Variants in RTL4 observed in about 807,000 individuals in gnomAD.
RTL4 encodes retrotransposon Gag like 4, also known as retrotransposon Gag-like protein 4.
RTL4 carries 4 observed loss-of-function variants against 5.3 expected under a neutral mutation model. That is an observed-to-expected ratio of 0.75 (90% CI 0.37 to 1.72). The LOEUF (loss-of-function observed/expected upper bound fraction) is 1.72. Ranked by LOEUF, RTL4 falls within the 40% of genes most tolerant of loss-of-function variation. The pLI is 0.04. For synonymous variants in RTL4, 98 were observed against 87.3 expected, an observed-to-expected ratio of 1.12 and a Z score of -0.68; for missense variants, 260 against 227.1, an observed-to-expected ratio of 1.14 and a Z score of -0.93.
the RTL4 span, among the ~76,000 whole-genome samples, chrX:112,394,012 G>A: frequency 3.6e-5 from 4 of 111,512 alleles, no homozygotes; most frequent in Non-Finnish European, 7.5e-5. Context: ...TAGCTCTTAT[G>A]TGAGATCGAA....
the RTL4 span, among the ~76,000 whole-genome samples, chrX:112,328,357 C>A: frequency 2.7e-5 from 3 of 110,828 alleles, no homozygotes; most frequent in Admixed American, 9.7e-5. Flanking sequence ...GGGTTGCAAT[C>A]CTAGTCTCTG....
At chrX:112,248,192 G>A in the RTL4 span, among the ~76,000 whole-genome samples, 1 of 112,114 alleles carries the variant, frequency 8.9e-6, no homozygotes, top group Admixed American at 9.5e-5. Flanking sequence ...GAAATTTCCA[G>A]AGAAATTTGG....
At chrX:112,226,095 G>C in the RTL4 span, among the ~76,000 whole-genome samples, 15 of 112,249 alleles carry the variant, frequency 1.3e-4, no homozygotes, top group African/African-American at 4.2e-4. Flanking sequence ...ATGTGAGAGG[G>C]TGTGAGTAGG....
chrX:112,098,903 A>T, the RTL4 span, among the ~76,000 whole-genome samples: 2 of 112,187 alleles, frequency 1.8e-5, no homozygotes, highest in Non-Finnish European at 3.8e-5. Flanking sequence ...TTAAAGACTT[A>T]CATGTTAGAC....
the RTL4 span, among the ~76,000 whole-genome samples, chrX:112,246,950 A>T: frequency 8.9e-6 from 1 of 112,186 alleles, no homozygotes; most frequent in African/African-American, 3.2e-5. Context: ...GAAGTGGCAA[A>T]ACATTGGTAT....
the RTL4 span, among the ~76,000 whole-genome samples, chrX:112,204,219 GT>G: frequency 8.9e-6 from 1 of 112,299 alleles, no homozygotes; most frequent in African/African-American, 3.2e-5. Context: ...CTTGCGCACT[GT>G]TGGTGGGAAT....
the RTL4 span, among the ~76,000 whole-genome samples, chrX:112,289,894 T>C: frequency 3.4e-4 from 38 of 111,390 alleles, 1 homozygote; most frequent in South Asian, 0.013. Flanking sequence ...TTGTAGATGA[T>C]AAAGCTAAGG....
chrX:112,189,214 C>T, the RTL4 span, among the ~76,000 whole-genome samples: 2 of 109,860 alleles, frequency 1.8e-5, no homozygotes, highest in African/African-American at 3.3e-5. Flanking sequence ...GGCAACATAG[C>T]GAGACCCCAA....
At chrX:112,290,390 A>C in the RTL4 span, among the ~76,000 whole-genome samples, 3 of 111,998 alleles carry the variant, frequency 2.7e-5, no homozygotes, top group Admixed American at 2.8e-4. Flanking sequence ...AATTTAAAAA[A>C]CGAGGAAAGG....
the RTL4 span, among the ~76,000 whole-genome samples, chrX:112,411,065 G>T: frequency 9.0e-6 from 1 of 111,471 alleles, no homozygotes; most frequent in Non-Finnish European, 1.9e-5. Flanking sequence ...AAATGCAAAG[G>T]ATCATTGGAA....
the RTL4 span, among the ~76,000 whole-genome samples, chrX:112,272,970 G>A: frequency 2.7e-5 from 3 of 111,338 alleles, no homozygotes; most frequent in African/African-American, 9.8e-5. Flanking sequence ...GATGAAAGAA[G>A]CATTCTGTTT....
At chrX:112,180,027 AG>A in the RTL4 span, among the ~76,000 whole-genome samples, 3 of 111,127 alleles carry the variant, frequency 2.7e-5, no homozygotes, top group Non-Finnish European at 5.6e-5. Context: ...CATCTAATTG[AG>A]GGTGAGGTAC....
the RTL4 span, among the ~76,000 whole-genome samples, chrX:112,236,713 G>C: frequency 2.8e-3 from 306 of 107,970 alleles, no homozygotes; most frequent in African/African-American, 9.4e-3. Context: ...CTAGGAGATG[G>C]ATAAAATAGT....
the RTL4 span, among the ~76,000 whole-genome samples, chrX:112,169,303 G>A: frequency 6.5e-5 from 7 of 108,171 alleles, no homozygotes; most frequent in Non-Finnish European, 1.1e-4. Context: ...TAGTAGAGAC[G>A]GGGTTTCTCC....
the RTL4 span, among the ~76,000 whole-genome samples, chrX:112,357,710 A>G: frequency 0.34 from 37,689 of 110,771 alleles, 6,277 homozygotes; most frequent in African/African-American, 0.65. Flanking sequence ...CAAGAGGCTT[A>G]TATATGGCTG....
At chrX:112,268,241 T>G in the RTL4 span, among the ~76,000 whole-genome samples, 2 of 111,911 alleles carry the variant, frequency 1.8e-5, no homozygotes, top group Non-Finnish European at 3.8e-5. Context: ...AACATGGTGG[T>G]TATATTCCTG....
the RTL4 span, among the ~76,000 whole-genome samples, chrX:112,212,421 T>G: frequency 8.9e-6 from 1 of 112,412 alleles, no homozygotes; most frequent in Non-Finnish European, 1.9e-5. Flanking sequence ...GTACATGCAG[T>G]GCCTAGGTCA....
At chrX:112,113,495 G>A in the RTL4 span, among the ~76,000 whole-genome samples, 22 of 111,345 alleles carry the variant, frequency 2.0e-4, no homozygotes, top group Non-Finnish European at 2.8e-4. Context: ...CAGCTGTCCC[G>A]GACAGGAGAG....
chrX:112,137,152 A>G, the RTL4 span, among the ~76,000 whole-genome samples: 1 of 111,933 alleles, frequency 8.9e-6, no homozygotes, highest in African/African-American at 3.2e-5. Flanking sequence ...ATATTTAAAA[A>G]AAAAGAAACC....
Sources: allele counts gnomAD v4.1 joint callset (sites outside exome capture counted in the v4.1 genomes callset), GRCh38; gene constraint gnomAD v4.1.1; transcripts MANE v1.5; gene names NCBI Gene and HGNC (gene_info 2026-07-23, HGNC 2026-07-21).